Variants in MIPOL1 observed in about 807,000 individuals in gnomAD.
The protein encoded by MIPOL1 is mirror-image polydactyly gene 1 protein.
A neutral mutation model predicts 60.9 loss-of-function variants in MIPOL1; 57 were observed. The observed-to-expected ratio is 0.94, with a 90% CI of 0.76 to 1.17. The LOEUF (loss-of-function observed/expected upper bound fraction) is 1.17. MIPOL1 is among the 50% of genes most tolerant of loss of function. The probability of loss-of-function intolerance (pLI) is 0.00; values close to 1 mark genes in which losing one functional copy is unlikely to be tolerated. For synonymous variants in MIPOL1, 179 were observed against 168.8 expected, an observed-to-expected ratio of 1.06 and a Z score of -0.47; for missense variants, 551 against 511.6, an observed-to-expected ratio of 1.08 and a Z score of -0.74.
intron 9 of MIPOL1, among the ~76,000 whole-genome samples, chr14:37,325,344 T>C (rs2089042062): frequency 6.6e-6 from 1 of 152,124 alleles, no homozygotes; most frequent in African/African-American, 2.4e-5. Context: ...TCAAAGAAAT[T>C]AGGAGAAGCA....
At chr14:37,336,526 G>A (rs1181563825) in intron 9 of MIPOL1, among the ~76,000 whole-genome samples, 5 of 150,720 alleles carry the variant, frequency 3.3e-5, no homozygotes, top group East Asian at 3.9e-4. Context: ...TTTCTTTTTC[G>A]TTCTTTCTTA....
chr14:37,223,140 C>A (rs560859379), intron 1 of MIPOL1, among the ~76,000 whole-genome samples: 2 of 151,784 alleles, frequency 1.3e-5, no homozygotes, highest in Admixed American at 1.3e-4. Context: ...TCAAGCGATT[C>A]TCCTGCCTCA....
intron 10 of MIPOL1, among the ~76,000 whole-genome samples, chr14:37,412,937 G>C (rs999830542): frequency 6.6e-6 from 1 of 152,094 alleles, no homozygotes; most frequent in African/African-American, 2.4e-5. Context: ...GGGGCTTGAA[G>C]GATTGATGTA....
chr14:37,410,005 A>G (rs999745052), intron 10 of MIPOL1, among the ~76,000 whole-genome samples: 1 of 152,172 alleles, frequency 6.6e-6, no homozygotes, highest in African/African-American at 2.4e-5. Flanking sequence ...TCTAAAACTA[A>G]TGGAAGATAT....
chr14:37,234,305 G>A (rs778860588), intron 1 of MIPOL1, among the ~76,000 whole-genome samples: 5 of 151,196 alleles, frequency 3.3e-5, no homozygotes, highest in Admixed American at 6.6e-5. Flanking sequence ...ATCTGCTGCA[G>A]TGAGCTTCAT....
At position 37,509,787 on chromosome 14, in the gene MIPOL1, ATG is replaced by A. The variant is rs541679924; in HGVS notation, c.1262+9651_1262+9652del. 9.4e-3 allele frequency among the ~76,000 whole-genome samples: 1,426 copies of A among 151,322 alleles called. 27 individuals are homozygous for A. The highest frequency in any genetic ancestry group is 0.033 in the African/African-American group (1,348 of 41,174). On this transcript the variant is annotated intron_variant, in intron 12 of 12. Coordinates refer to ENST00000684589, the MANE Select transcript of MIPOL1 (RefSeq NM_001388067.1). ...TGTATGTTTGTGTGTATATACATGT[ATG>A]TATATCTATCTACTTATGTATAAGC...
At chr14:37,516,999 C>T (rs1324816719) in intron 12 of MIPOL1, among the ~76,000 whole-genome samples, 1 of 152,038 alleles carries the variant, frequency 6.6e-6, no homozygotes, top group Non-Finnish European at 1.5e-5. Context: ...GAAAGTTACA[C>T]TAACATATAG....
At chr14:37,236,381 C>T (rs910518600) in intron 1 of MIPOL1, among the ~76,000 whole-genome samples, 2 of 151,960 alleles carry the variant, frequency 1.3e-5, no homozygotes, top group African/African-American at 2.4e-5. Flanking sequence ...AATCAAGCCC[C>T]CCTCCCACTT....
chr14:37,341,614 T>A (rs886123880), intron 9 of MIPOL1, among the ~76,000 whole-genome samples: 6 of 152,072 alleles, frequency 3.9e-5, no homozygotes, highest in African/African-American at 1.4e-4. Context: ...ATTTTTTAAA[T>A]TTTTTTTATA....
chr14:37,538,456 G>C (rs1278373223), intron 12 of MIPOL1, among the ~76,000 whole-genome samples: 1 of 151,712 alleles, frequency 6.6e-6, no homozygotes, highest in African/African-American at 2.4e-5. Context: ...CTTCTCAAAA[G>C]AACAAAAAAA....
At chr14:37,495,028 A>T (rs2095099927) in intron 11 of MIPOL1, among the ~76,000 whole-genome samples, 1 of 152,090 alleles carries the variant, frequency 6.6e-6, no homozygotes, top group African/African-American at 2.4e-5. Flanking sequence ...AGGAGTGATT[A>T]GGAAATTAAA....
intron 12 of MIPOL1, chr14:37,523,512 TGAAA>T (rs1384350740): frequency 2.3e-6 from 1 of 427,654 alleles, no homozygotes; most frequent in Non-Finnish European, 4.1e-6. Flanking sequence ...ATAAAAAAGA[TGAAA>T]GAGAAAAATT....
At position 37,247,984 on chromosome 14, in the gene MIPOL1, C is replaced by T. The variant is rs983849986; in HGVS notation, c.19+77C>T. ...AGGCACTGAGTGAAGTGTGTTTGTT[C>T]TAACCAATATATTAGACAGAGGTAG... On this transcript the variant is annotated intron_variant, in intron 3 of 12. Coordinates refer to ENST00000684589, the MANE Select transcript of MIPOL1 (RefSeq NM_001388067.1). 15 of 1,476,434 alleles carry T rather than the reference C, an allele frequency of 1.0e-5. No homozygotes were observed. In the Admixed American group the frequency reaches 1.9e-4, roughly 19 times the overall value. 91.5% of individuals were successfully genotyped at this position (1,476,434 alleles called of 1,614,324 possible).
chr14:37,294,596 T>G (rs2085441857), intron 7 of MIPOL1, among the ~76,000 whole-genome samples: 1 of 151,824 alleles, frequency 6.6e-6, no homozygotes, highest in Non-Finnish European at 1.5e-5. Context: ...GAATAATCAA[T>G]GCAGAGAAGT....
rs140813309 is a variant in MIPOL1, at chr14:37,205,259, C to T, written c.-199+7155C>T. Among the ~76,000 whole-genome samples, 511 of 152,036 alleles carry T rather than the reference C, an allele frequency of 3.4e-3. 2 individuals are homozygous for T. The highest frequency in any genetic ancestry group is 0.012 in the African/African-American group (481 of 41,482). Reference sequence around the variant, plus strand: ...CTGGGATTACAGGCATGCACTACCACGCCCAGCTAATTTTTTGTATTTTTA... The same window carrying T: ...CTGGGATTACAGGCATGCACTACCATGCCCAGCTAATTTTTTGTATTTTTA... On this transcript the variant is annotated intron_variant, in intron 1 of 12. Coordinates refer to ENST00000684589, the MANE Select transcript of MIPOL1 (RefSeq NM_001388067.1).
chr14:37,312,824 T>C (rs2087472475), intron 9 of MIPOL1, among the ~76,000 whole-genome samples: 1 of 152,164 alleles, frequency 6.6e-6, no homozygotes, highest in Non-Finnish European at 1.5e-5. Context: ...ATTCACACTT[T>C]CCTATTTTAT....
chr14:37,490,283 A>G (rs1242844809), intron 11 of MIPOL1, among the ~76,000 whole-genome samples: 1 of 152,126 alleles, frequency 6.6e-6, no homozygotes, highest in Non-Finnish European at 1.5e-5. Context: ...AGCCTCGGCA[A>G]TGGTGAACCC....
At chr14:37,295,019 G>T (rs2085498061) in intron 7 of MIPOL1, among the ~76,000 whole-genome samples, 1 of 152,096 alleles carries the variant, frequency 6.6e-6, no homozygotes, top group Non-Finnish European at 1.5e-5. Flanking sequence ...CACCAAAGTT[G>T]AAATGAAGGA....
chr14:37,463,203 T>C (rs1277159172), intron 11 of MIPOL1, among the ~76,000 whole-genome samples: 1 of 152,160 alleles, frequency 6.6e-6, no homozygotes. Flanking sequence ...AGAGCTTGTG[T>C]AAGCAAACTC....
Sources: allele counts gnomAD v4.1 joint callset (sites outside exome capture counted in the v4.1 genomes callset), GRCh38; gene constraint gnomAD v4.1.1; transcripts MANE v1.5; gene names NCBI Gene and HGNC (gene_info 2026-07-23, HGNC 2026-07-21).